SOX6: variants seen among roughly 807,000 people sequenced by gnomAD.
SOX6 encodes the protein transcription factor SOX-6.
SOX6 carries 11 observed loss-of-function variants against 97.8 expected under a neutral mutation model. That is an observed-to-expected ratio of 0.11 (90% CI 0.07 to 0.19). The LOEUF (loss-of-function observed/expected upper bound fraction) is 0.19, where lower values mean the gene tolerates loss of function less well. SOX6 is among the 10% of genes least tolerant of loss of function. The probability of loss-of-function intolerance (pLI) is 1.00; values close to 1 mark genes in which losing one functional copy is unlikely to be tolerated. For missense variants in SOX6, 810 were observed against 1,039.5 expected, an observed-to-expected ratio of 0.78 and a Z score of 3.04; for synonymous variants, 360 against 371.4, an observed-to-expected ratio of 0.97 and a Z score of 0.35.
intron 13 of SOX6, among the ~76,000 whole-genome samples, chr11:15,998,788 A>G (rs1854309329): frequency 6.6e-6 from 1 of 152,164 alleles, no homozygotes; most frequent in Non-Finnish European, 1.5e-5. Context: ...GAGATGAATC[A>G]TGACTTAAAT....
rs1176858212 is a variant in SOX6 at position 16,234,596 on chromosome 11, A to G, written c.521T>C (p.Leu174Pro). The G allele has an allele frequency of 6.3e-7, 1 of 1,586,546 alleles. No individual in the cohort carries two copies. ...TTATGTTGTACCTTTAATTTCTCCA[A>G]GAAGTTCACTGGTATTTAGTCTTTC... Reference protein sequence around the residue: ...KMERLNTSELLGEIKGTPESL... With the variant: ...KMERLNTSELPGEIKGTPESL... Residue 174 changes from leucine (L) to proline (P), a missense_variant, in exon 4 of 16, where the codon CTT (leucine) becomes CCT (proline). This residue lies in a region of SOX6 where 110 missense variants were observed against 119.0 expected (regional missense o/e 0.92). Coordinates refer to ENST00000683767, the MANE Select transcript of SOX6 (RefSeq NM_001367873.1).
chr11:16,174,192 T>C (rs1194994810), intron 6 of SOX6, among the ~76,000 whole-genome samples: 2 of 151,892 alleles, frequency 1.3e-5, no homozygotes, highest in Non-Finnish European at 1.5e-5. Flanking sequence ...GTTGAAGTTA[T>C]GAAGCCACTG....
chr11:16,651,173 A>G (rs905631291), intron 3 of SOX6, among the ~76,000 whole-genome samples: 1 of 152,050 alleles, frequency 6.6e-6, no homozygotes, highest in Non-Finnish European at 1.5e-5. Flanking sequence ...GAATTCACAG[A>G]TAAATTCTAT....
At chr11:16,615,020 C>T (rs993878283) in intron 3 of SOX6, among the ~76,000 whole-genome samples, 8 of 152,110 alleles carry the variant, frequency 5.3e-5, no homozygotes, top group African/African-American at 1.9e-4. Context: ...AATGTCTTCT[C>T]CAATAAAAGA....
chr11:16,045,934 G>A (rs1487972560), intron 12 of SOX6, among the ~76,000 whole-genome samples: 1 of 152,000 alleles, frequency 6.6e-6, no homozygotes, highest in African/African-American at 2.4e-5. Context: ...TCTCCTATTA[G>A]AATATAAGCT....
At chr11:16,632,511 C>A (rs1317895877) in intron 3 of SOX6, among the ~76,000 whole-genome samples, 1 of 152,178 alleles carries the variant, frequency 6.6e-6, no homozygotes, top group Non-Finnish European at 1.5e-5. Flanking sequence ...AGGCACTGGA[C>A]TGATTCCTGC....
At chr11:16,498,742 T>A (rs1473614011) in intron 4 of SOX6, among the ~76,000 whole-genome samples, 1 of 152,208 alleles carries the variant, frequency 6.6e-6, no homozygotes, top group East Asian at 1.9e-4. Flanking sequence ...AAGGATCAAT[T>A]CAACAAAAAG....
At chr11:16,024,698 G>A (rs1855166666) in intron 12 of SOX6, among the ~76,000 whole-genome samples, 1 of 151,886 alleles carries the variant, frequency 6.6e-6, no homozygotes, top group African/African-American at 2.4e-5. Context: ...TTCGAGGGAG[G>A]GAAAGTATCT....
chr11:16,340,044 C>T (rs1319174669), intron 2 of SOX6, among the ~76,000 whole-genome samples: 1 of 151,986 alleles, frequency 6.6e-6, no homozygotes, highest in Non-Finnish European at 1.5e-5. Flanking sequence ...GCAAAATCAT[C>T]TGAAAAAGAA....
intron 12 of SOX6, among the ~76,000 whole-genome samples, chr11:16,045,251 C>T (rs993753484): frequency 2.0e-5 from 3 of 151,990 alleles, no homozygotes; most frequent in Non-Finnish European, 2.9e-5. Context: ...ATCTTGAATC[C>T]CCAATCTGCA....
chr11:16,541,653 G>A (rs895189505), intron 4 of SOX6, among the ~76,000 whole-genome samples: 3 of 152,118 alleles, frequency 2.0e-5, no homozygotes, highest in Admixed American at 6.6e-5. Context: ...AGTGGGCAAA[G>A]GATATGAACA....
intron 6 of SOX6, among the ~76,000 whole-genome samples, chr11:16,154,364 AAT>A (rs1850542643): frequency 2.0e-5 from 3 of 152,166 alleles, no homozygotes; most frequent in Admixed American, 2.0e-4. Context: ...TGCTGCGACA[AAT>A]TACAGAAATC....
chr11:16,605,520 C>T lies in SOX6; in HGVS notation n.609+6561G>A, dbSNP rs1590004093. On this transcript the variant is annotated intron_variant and non_coding_transcript_variant, in intron 4 of 5. Transcript: ENST00000524520. The surrounding 1 kb of genome is among the most constrained non-coding windows in gnomAD (Gnocchi z 5.3). ...CAAGCGGAGGGAGCTGGAGGCAACT[C>T]GAGCGGTGTCCCGAAAAAGTTGCGG... Among the ~76,000 whole-genome samples, 1 of 152,040 alleles carries T rather than the reference C, an allele frequency of 6.6e-6. No individual in the cohort carries two copies.
chr11:16,683,919 G>C (rs897526555), intron 3 of SOX6, among the ~76,000 whole-genome samples: 85 of 152,058 alleles, frequency 5.6e-4, no homozygotes, highest in Non-Finnish European at 1.8e-4. Context: ...TCAAAAAGTG[G>C]GCAAAAGATA....
At chr11:16,260,932 A>C (rs527280761) in intron 3 of SOX6, among the ~76,000 whole-genome samples, 86 of 152,262 alleles carry the variant, frequency 5.6e-4, no homozygotes, top group African/African-American at 1.9e-3. Flanking sequence ...CCAAAGCACC[A>C]GCTGCTATCT....
intron 4 of SOX6, among the ~76,000 whole-genome samples, chr11:16,512,092 T>C (rs1358827668): frequency 6.6e-6 from 1 of 152,128 alleles, no homozygotes; most frequent in Non-Finnish European, 1.5e-5. Flanking sequence ...CTAAGGACAA[T>C]AGAAACCAAC....
At chr11:16,071,798 G>C (rs1415600942) in intron 9 of SOX6, among the ~76,000 whole-genome samples, 1 of 151,824 alleles carries the variant, frequency 6.6e-6, no homozygotes, top group Non-Finnish European at 1.5e-5. Context: ...AAGAAATGTA[G>C]ACATGGAGAC....
chr11:16,236,374 C>T (rs1329421559), intron 3 of SOX6, among the ~76,000 whole-genome samples: 2 of 151,994 alleles, frequency 1.3e-5, no homozygotes, highest in Admixed American at 1.3e-4. Context: ...AGTTAGGAAG[C>T]AATTCTTCAA....
intron 3 of SOX6, among the ~76,000 whole-genome samples, chr11:16,302,653 T>C (rs979605144): frequency 7.3e-6 from 1 of 137,672 alleles, no homozygotes; most frequent in African/African-American, 2.7e-5. Flanking sequence ...CACTGCAACC[T>C]TCGCTTGCTG....
Sources: allele counts gnomAD v4.1 joint callset (sites outside exome capture counted in the v4.1 genomes callset), GRCh38; gene constraint gnomAD v4.1.1; regional missense constraint gnomAD v4.1.1; non-coding constraint Gnocchi (gnomAD v3.1); transcripts MANE v1.5; gene names NCBI Gene and HGNC (gene_info 2026-07-23, HGNC 2026-07-21).